The following SCAI variants were observed in gnomAD, a reference collection of about 807,000 sequenced individuals.
SCAI encodes suppressor of cancer cell invasion.
A neutral mutation model predicts 92.2 loss-of-function variants in SCAI; 24 were observed. The observed-to-expected ratio is 0.26, with a 90% CI of 0.19 to 0.37. The LOEUF is 0.37. Ranked by LOEUF, SCAI falls within the 10% of genes least tolerant of loss-of-function variation. The probability of loss-of-function intolerance (pLI) is 1.00; values close to 1 mark genes in which losing one functional copy is unlikely to be tolerated. For missense variants in SCAI, 450 were observed against 736.2 expected, an observed-to-expected ratio of 0.61 and a Z score of 4.50; for synonymous variants, 261 against 258.6, an observed-to-expected ratio of 1.01 and a Z score of -0.09.
rs933291404 is a variant in SCAI at position 124,947,056 on chromosome 9, A to G, written c.*5751T>C. ...GCCCCCTTTTCTGCCTCATAGAGACACATAAAACACTGATGAAAAAAGAAT... is the reference window on the plus strand; with the variant it reads ...GCCCCCTTTTCTGCCTCATAGAGACGCATAAAACACTGATGAAAAAAGAAT... On this transcript the variant is annotated 3_prime_UTR_variant, in exon 18 of 18. Coordinates refer to ENST00000336505, the MANE Select transcript of SCAI (RefSeq NM_001144877.3). The G allele has an allele frequency of 1.3e-5, 2 of 152,214 alleles. No individual in the cohort carries two copies. The highest frequency in any genetic ancestry group is 2.4e-5 in the African/African-American group (1 of 41,454). The allele number at this position is 152,214 out of a possible 1,614,324, so 9.4% of individuals were successfully genotyped here.
intron 3 of SCAI, among the ~76,000 whole-genome samples, chr9:125,053,446 T>C (rs1439390537): frequency 2.0e-5 from 3 of 152,174 alleles, no homozygotes; most frequent in Non-Finnish European, 2.9e-5. Context: ...ACTGGACAAA[T>C]TGTGATAAAT....
intron 17 of SCAI, among the ~76,000 whole-genome samples, chr9:124,957,581 A>G (rs1831345104): frequency 7.0e-6 from 1 of 143,810 alleles, no homozygotes; most frequent in Non-Finnish European, 1.5e-5. Context: ...CACCTTGGCC[A>G]GGCTGGTCTC....
chr9:125,130,101 G>A (rs1156295056), intron 2 of SCAI, among the ~76,000 whole-genome samples: 3 of 151,964 alleles, frequency 2.0e-5, no homozygotes, highest in East Asian at 3.9e-4. Flanking sequence ...GTTTTGCCAT[G>A]TTGGCCAGGC....
At chr9:125,046,196 G>GATATAGATATATATATAT in intron 3 of SCAI, among the ~76,000 whole-genome samples, 2 of 51,880 alleles carry the variant, frequency 3.9e-5, no homozygotes, top group African/African-American at 7.5e-5. Flanking sequence ...GAAATTGTGA[G>GATATAGATATATATATAT]ATATATATAT....
chr9:125,133,189 A>C (rs751678265), intron 2 of SCAI, among the ~76,000 whole-genome samples: 8 of 152,174 alleles, frequency 5.3e-5, no homozygotes, highest in Non-Finnish European at 1.0e-4. Context: ...CAGGAGTTCG[A>C]GACCAGCCTA....
chr9:124,975,546 T>A (rs1324080259), intron 15 of SCAI, among the ~76,000 whole-genome samples: 8 of 152,226 alleles, frequency 5.3e-5, no homozygotes, highest in African/African-American at 1.2e-4. Flanking sequence ...AGTCTTTTGA[T>A]TCTCAGCCAT....
chr9:125,027,660 A>C lies in SCAI; in HGVS notation c.413+732T>G, dbSNP rs543432214. 4.7e-3 allele frequency among the ~76,000 whole-genome samples: 718 copies of C among 152,228 alleles called. 3 individuals carry two copies. Among genetic ancestry groups the C allele is most frequent in the Non-Finnish European group, 6.6e-3 (449 of 68,006 alleles). Reference sequence around the variant, plus strand: ...CTCAGCCTCCCAAGTAGCTGGGATTACAGGCACCTGCCACCACACTTGGCT... The same window carrying C: ...CTCAGCCTCCCAAGTAGCTGGGATTCCAGGCACCTGCCACCACACTTGGCT... On this transcript the variant is annotated intron_variant, in intron 5 of 17. Transcript: ENST00000336505.
chr9:124,963,400 C>T (rs1831479736), intron 17 of SCAI, among the ~76,000 whole-genome samples: 5 of 152,002 alleles, frequency 3.3e-5, no homozygotes, highest in Admixed American at 3.3e-4. Flanking sequence ...TCCCAAAGTG[C>T]TGGGATTACA....
chr9:125,017,756 C>T lies in SCAI; in HGVS notation c.861+1043G>A, dbSNP rs534176214. Among the ~76,000 whole-genome samples the T allele has an allele frequency of 7.2e-5, 11 of 152,192 alleles. No homozygotes were observed. In the South Asian group the frequency reaches 2.3e-3, roughly 32 times the overall value. Reference sequence around the variant, plus strand: ...AAGTGCGGTGGCTCACACCTGTAATCCCAACACTTTGGGAGGCTGAGGCAG... The same window carrying T: ...AAGTGCGGTGGCTCACACCTGTAATTCCAACACTTTGGGAGGCTGAGGCAG... On this transcript the variant is annotated intron_variant, in intron 9 of 17. Coordinates refer to ENST00000336505, the MANE Select transcript of SCAI (RefSeq NM_001144877.3).
At chr9:125,049,187 ATAT>A (rs1184077627) in intron 3 of SCAI, among the ~76,000 whole-genome samples, 3 of 152,052 alleles carry the variant, frequency 2.0e-5, no homozygotes, top group African/African-American at 7.2e-5. Flanking sequence ...TATAATAATA[ATAT>A]TATATATACT....
At chr9:124,958,521 C>T (rs549343490) in intron 17 of SCAI, among the ~76,000 whole-genome samples, 1 of 152,256 alleles carries the variant, frequency 6.6e-6, no homozygotes, top group Admixed American at 6.5e-5. Context: ...TATTAAAAAA[C>T]TTTAACCTTT....
intron 2 of SCAI, among the ~76,000 whole-genome samples, chr9:125,108,641 G>A (rs1293029996): frequency 3.4e-5 from 5 of 148,026 alleles, no homozygotes; most frequent in East Asian, 2.1e-4. Context: ...CCCGGCAGCC[G>A]CCCCGTCTGA....
At chr9:124,968,769 T>TG in intron 17 of SCAI, 1 of 988,904 alleles carries the variant, frequency 1.0e-6, no homozygotes, top group South Asian at 1.3e-5. Flanking sequence ...ACTGGCATGG[T>TG]GGGGTGCGCA....
chr9:125,093,278 T>C (rs190978939), intron 2 of SCAI, among the ~76,000 whole-genome samples: 104 of 152,044 alleles, frequency 6.8e-4, no homozygotes, highest in Middle Eastern at 3.4e-3. Context: ...GGAGAATTGC[T>C]TGAACCCAGG....
chr9:124,977,106 C>T (rs1266396626), intron 14 of SCAI, among the ~76,000 whole-genome samples: 4 of 151,932 alleles, frequency 2.6e-5, no homozygotes, highest in African/African-American at 9.7e-5. Context: ...TGAGCTCAAG[C>T]GATCCACCCA....
intron 6 of SCAI, among the ~76,000 whole-genome samples, chr9:125,022,180 T>A (rs551154307): frequency 2.2e-4 from 33 of 152,236 alleles, no homozygotes; most frequent in African/African-American, 7.9e-4. Flanking sequence ...ATTTCCCCAC[T>A]TTAAAAAAAC....
intron 9 of SCAI, among the ~76,000 whole-genome samples, chr9:125,004,646 T>C (rs1413588914): frequency 6.8e-6 from 1 of 147,992 alleles, no homozygotes; most frequent in Non-Finnish European, 1.5e-5. Context: ...CCGAATTCTA[T>C]ACACAGAAGT....
At chr9:124,995,279 A>C (rs552889493) in intron 13 of SCAI, among the ~76,000 whole-genome samples, 14 of 152,330 alleles carry the variant, frequency 9.2e-5, no homozygotes, top group African/African-American at 3.4e-4. Flanking sequence ...AGATGACTAA[A>C]CACACAGCAT....
At chr9:125,020,630 T>C in intron 7 of SCAI, 43 bp downstream of exon 7, 2 of 857,848 alleles carry the variant, frequency 2.3e-6, no homozygotes, top group Non-Finnish European at 3.7e-6. Flanking sequence ...ATCATCCATA[T>C]ACAACTAGAG....
Sources: gnomAD v4.1 joint callset for allele counts (sites outside exome capture counted in the v4.1 genomes callset) on GRCh38, gnomAD v4.1.1 for gene constraint, MANE v1.5 for transcripts, NCBI Gene and HGNC (gene_info 2026-07-23, HGNC 2026-07-21) for gene names.